EPG5: variants seen among roughly 807,000 people sequenced by gnomAD.
EPG5 encodes the protein ectopic P-granules 5 autophagy tethering factor, also known as ectopic P granules protein 5 homolog.
A neutral mutation model predicts 302.7 loss-of-function variants in EPG5; 159 were observed. The ratio of observed to expected loss-of-function variants is 0.53; its 90% CI spans 0.46 to 0.60. The LOEUF is 0.60. Among genes scored for constraint, EPG5 ranks in the 20% least tolerant of loss-of-function variants. The pLI is 0.00. For synonymous variants in EPG5, 1,158 were observed against 1,136.8 expected (o/e 1.02, Z -0.37); for missense variants, 2,896 against 3,092.4 (o/e 0.94, Z 1.51).
intron 31 of EPG5, among the ~76,000 whole-genome samples, chr18:45,881,679 T>C (rs1467756130): frequency 6.6e-6 from 1 of 152,180 alleles, no homozygotes; most frequent in East Asian, 1.9e-4. Context: ...CCTATTTATT[T>C]CTCCTCTAAA....
At chr18:45,941,431 AAGTG>A (rs2050665278) in intron 9 of EPG5, among the ~76,000 whole-genome samples, 1 of 152,204 alleles carries the variant, frequency 6.6e-6, no homozygotes. Flanking sequence ...AAGCAAGTTC[AAGTG>A]AGGATGGAGG....
In EPG5 at chr18:45,913,090, CAA is replaced by C. The variant is rs34356703; in HGVS notation, c.3816+614_3816+615del. ...CGGGCGACAGGGCAAGACTCTGTCT[CAA>C]AAAAAAAAAAAAGAAAAAGAAAAAA... On this transcript the variant is annotated intron_variant, in intron 21 of 43. Transcript: ENST00000282041. 2.6e-3 allele frequency among the ~76,000 whole-genome samples: 279 copies of C among 108,322 alleles called. 2 individuals are homozygous for C. Among genetic ancestry groups the C allele is most frequent in the African/African-American group, 7.4e-3 (240 of 32,268 alleles). The allele number at this position is 108,322 out of a possible 152,430, so 71.1% of individuals were successfully genotyped here.
rs770198509 is a variant in EPG5 at position 45,955,306 on chromosome 18, T to C, written c.96A>G (p.Glu32=). The C allele has an allele frequency of 7.5e-6, 12 of 1,606,526 alleles. No individual in the cohort carries two copies. The highest frequency in any genetic ancestry group is 1.7e-6 in the Non-Finnish European group (2 of 1,176,680). ...TTGGAAGGGAGACTTCACTGGACTC[T>C]TCCCTCTGAGGAGTTTCATACTTCT... ...EKKKYETPQR[E]ESSEVSLPKT... Residue 32 remains glutamate (E), a synonymous_variant, in exon 2 of 44, where the codon GAA becomes GAG. Coordinates refer to ENST00000282041, the MANE Select transcript of EPG5 (RefSeq NM_020964.3).
intron 36 of EPG5, chr18:45,868,101 CA>C (rs1374977803): frequency 6.5e-6 from 3 of 463,408 alleles, no homozygotes; most frequent in Non-Finnish European, 1.3e-5. Flanking sequence ...CAGGACAGGG[CA>C]AAGTTGAAAT....
At chr18:45,897,181 G>A (rs1191288698) in intron 27 of EPG5, among the ~76,000 whole-genome samples, 2 of 152,234 alleles carry the variant, frequency 1.3e-5, no homozygotes, top group African/African-American at 4.8e-5. Context: ...GGCCCAGAGA[G>A]TTAACAGGAG....
the EPG5 span, among the ~76,000 whole-genome samples, chr18:45,836,386 C>G: frequency 6.6e-6 from 1 of 151,942 alleles, no homozygotes; most frequent in Non-Finnish European, 1.5e-5. Flanking sequence ...TCTAAAGATC[C>G]TTTTGTGAAC....
rs1054136753 is a variant in EPG5 at position 45,951,126 on chromosome 18, A to C, written c.1365T>G (p.Asp455Glu). The change falls in exon 4 of 44, where the codon GAT (aspartate) becomes GAG (glutamate). Residue 455 changes from aspartate to glutamate, a missense_variant. By Grantham distance (45) the Asp-to-Glu change is conservative (BLOSUM62 2). Around this residue, in one of 5 missense-constraint regions of EPG5, gnomAD observed 1,390 missense variants for 1,430.0 expected, o/e 0.97. Transcript: ENST00000282041. Reference sequence around the variant, plus strand: ...CCAATTTCTGCAGCCAGAGAAGAATATCATCATGAAACTGAGTATCTTCAT... The same window carrying C: ...CCAATTTCTGCAGCCAGAGAAGAATCTCATCATGAAACTGAGTATCTTCAT... The part of the protein sequence containing the change: ...RVNEDTQFHD[D>E]ILLWLQKLVS... 1.3e-6 allele frequency: 2 copies of C among 1,586,904 alleles called. No individual in the cohort carries two copies. Among genetic ancestry groups the C allele is most frequent in the Non-Finnish European group, 8.6e-7 (1 of 1,169,170 alleles).
At chr18:45,932,542 T>C (rs1221727665) in intron 11 of EPG5, among the ~76,000 whole-genome samples, 1 of 152,202 alleles carries the variant, frequency 6.6e-6, no homozygotes, top group Non-Finnish European at 1.5e-5. Context: ...GAATAAGCAC[T>C]TCTGGCATTT....
At chr18:45,832,498 G>A in the EPG5 span, among the ~76,000 whole-genome samples, 58 of 152,082 alleles carry the variant, frequency 3.8e-4, no homozygotes, top group African/African-American at 1.4e-3. Context: ...GGCACAGATT[G>A]GGTGCTTGAT....
intron 1 of EPG5, among the ~76,000 whole-genome samples, chr18:45,966,879 C>A (rs2051276101): frequency 6.6e-6 from 1 of 152,032 alleles, no homozygotes; most frequent in South Asian, 2.1e-4. Context: ...AATTATTTCA[C>A]GGCAGGAAAC....
At chr18:45,840,338 C>A in the EPG5 span, 1 of 1,359,106 alleles carries the variant, frequency 7.4e-7, no homozygotes, top group Non-Finnish European at 1.0e-6. Context: ...TGGCAAAGGG[C>A]TGGGGCTGGG....
Position 45,935,336 on chromosome 18 carries a change from A to G in EPG5, c.2100-370T>C, listed in dbSNP as rs1244686922. On this transcript the variant is annotated intron_variant, in intron 10 of 43. Coordinates refer to ENST00000282041, the MANE Select transcript of EPG5 (RefSeq NM_020964.3). ...GGCAGGTGGATCACTTGAGGTCAGG[A>G]GTTCGAGACCAGCCTGACCAACATG... Among the ~76,000 whole-genome samples, 3 of 152,212 alleles carry G rather than the reference A, an allele frequency of 2.0e-5. No individual in the cohort carries two copies. In the East Asian group the frequency reaches 5.8e-4, roughly 29 times the overall value.
Position 45,922,482 on chromosome 18 carries a change from G to A in EPG5, c.2957C>T (p.Pro986Leu), listed in dbSNP as rs1301596513. 9 of 1,614,036 alleles carry A rather than the reference G, an allele frequency of 5.6e-6. No homozygotes were observed. The highest frequency in any genetic ancestry group is 3.3e-5 in the South Asian group (3 of 91,082). The change falls in exon 16 of 44, where the codon CCG becomes CTG. Residue 986 changes from proline to leucine, a missense_variant. By Grantham distance (98) the Pro-to-Leu change is moderately conservative. Around this residue, in one of 5 missense-constraint regions of EPG5, gnomAD observed 1,390 missense variants for 1,430.0 expected, o/e 0.97. Transcript: ENST00000282041. ...GGAGAAGGGAACAGCTGGACAATTCGGCTGTATTCCATAATCGTTTTTGTG... is the reference window on the plus strand; with the variant it reads ...GGAGAAGGGAACAGCTGGACAATTCAGCTGTATTCCATAATCGTTTTTGTG... Reference protein sequence around the residue: ...KLHKNDYGIQPNCPAVPFSVT... With the variant: ...KLHKNDYGIQLNCPAVPFSVT...
intron 12 of EPG5, among the ~76,000 whole-genome samples, chr18:45,929,617 G>C (rs2050354072): frequency 6.6e-6 from 1 of 152,152 alleles, no homozygotes; most frequent in Admixed American, 6.5e-5. Context: ...ATGTAATATA[G>C]AATGTAATTT....
chr18:45,943,482 T>C (rs2050715560), intron 8 of EPG5, among the ~76,000 whole-genome samples, 171 bp from the exon 9 acceptor site: 1 of 152,144 alleles, frequency 6.6e-6, no homozygotes, highest in Non-Finnish European at 1.5e-5. Context: ...CTTGAGACAA[T>C]GTGCCAAATT....
intron 4 of EPG5, 75 bp from the exon 5 acceptor site, chr18:45,949,666 T>C (rs1203047193): frequency 4.1e-5 from 37 of 899,312 alleles, no homozygotes; most frequent in South Asian, 2.5e-4. Flanking sequence ...AGTAAAGTCA[T>C]TTATCCAGTG....
At chr18:45,923,191 T>A in intron 15 of EPG5, 77 bp downstream of exon 15, 3 of 1,501,678 alleles carry the variant, frequency 2.0e-6, no homozygotes, top group Non-Finnish European at 2.7e-6. Flanking sequence ...GTCAATAGTA[T>A]AAGTCTATCA....
intron 28 of EPG5, 98 bp downstream of exon 28, chr18:45,889,700 T>C (rs2049296960): frequency 3.5e-5 from 38 of 1,096,126 alleles, no homozygotes; most frequent in Non-Finnish European, 4.8e-5. Flanking sequence ...TAAATTAACC[T>C]GTGGGTGCTG....
At chr18:45,885,066 C>T (rs1406485413) in intron 29 of EPG5, among the ~76,000 whole-genome samples, 2 of 152,266 alleles carry the variant, frequency 1.3e-5, no homozygotes, top group South Asian at 2.1e-4. Context: ...AGTCCGGGTG[C>T]AGTTGCTCAC....
Sources: gnomAD v4.1 joint callset for allele counts (sites outside exome capture counted in the v4.1 genomes callset) on GRCh38, gnomAD v4.1.1 for gene constraint, gnomAD v4.1.1 regional missense constraint, MANE v1.5 for transcripts, NCBI Gene and HGNC (gene_info 2026-07-23, HGNC 2026-07-21) for gene names.